The following RPL24 variants were observed in gnomAD, a reference collection of about 807,000 sequenced individuals.
RPL24 encodes ribosomal protein L24, also known as large ribosomal subunit protein eL24.
Under a neutral mutation model 26.4 loss-of-function variants are expected in RPL24, and 7 were observed. That is an observed-to-expected ratio of 0.27 (90% confidence interval 0.15 to 0.50). The LOEUF is 0.50. Ranked by LOEUF, RPL24 falls within the 20% of genes least tolerant of loss-of-function variation. The pLI, the probability that RPL24 is intolerant of heterozygous loss-of-function variation, is 0.98. For synonymous variants in RPL24, 67 were observed against 65.2 expected (o/e 1.03, Z -0.13); for missense variants, 109 against 194.9 (o/e 0.56, Z 2.62).
chr3:101,682,337 C>T, intron 5 of RPL24, 92 bp downstream of exon 5: 3 of 1,007,190 alleles, frequency 3.0e-6, no homozygotes, highest in Non-Finnish European at 4.8e-6. Flanking sequence ...CGCCACTGCA[C>T]CCCATCCTGG....
rs377256144 is a variant in RPL24 at position 101,685,920 on chromosome 3, C to A, written c.90G>T (p.Gln30His). 2 of 1,608,888 alleles carry A rather than the reference C, an allele frequency of 1.2e-6. No individual in the cohort carries two copies. Among genetic ancestry groups the A allele is most frequent in the Non-Finnish European group, 1.7e-6 (2 of 1,175,384 alleles). Residue 30 changes from glutamine to histidine, a missense_variant, in exon 3 of 6, where the codon CAG (glutamine) becomes CAT (histidine). Transcript: ENST00000394077. Reference sequence around the variant, plus strand: ...CCGACTCGCATTTCGCATTAAGAAACTGGAAAACCTAGAGTGACAAATGCA... The same window carrying A: ...CCGACTCGCATTTCGCATTAAGAAAATGGAAAACCTAGAGTGACAAATGCA... ...RYARTDGKVF[Q>H]FLNAKCESAF...
chr3:101,683,349 A>G (rs891895322), intron 3 of RPL24, among the ~76,000 whole-genome samples: 2 of 152,238 alleles, frequency 1.3e-5, no homozygotes, highest in African/African-American at 2.4e-5. Flanking sequence ...GGAATCTAAC[A>G]CTTTCTGTAG....
intron 2 of RPL24, 167 bp downstream of exon 2, chr3:101,686,315 A>G (rs1169171059): frequency 6.5e-6 from 4 of 614,766 alleles, no homozygotes; most frequent in Admixed American, 3.0e-5. Flanking sequence ...AATAATCAAC[A>G]CTGGTTCACT....
intron 3 of RPL24, among the ~76,000 whole-genome samples, chr3:101,684,776 CAAAAAAAAAAA>C (rs57278210): frequency 0.4 from 21,059 of 53,310 alleles, 4,094 homozygotes; most frequent in Middle Eastern, 0.5. Context: ...CCTGTCTCCC[CAAAAAAAAAAA>C]AAAAAAAAAA....
Position 101,686,717 on chromosome 3 carries a change from AG to A in RPL24, c.-42del. The A allele has an allele frequency of 1.2e-6, 2 of 1,613,242 alleles. No individual in the cohort carries two copies. The highest frequency in any genetic ancestry group is 1.7e-5 in the Admixed American group (1 of 60,022). ...GAAAGACAAAAGATGGCGAAAAGAA[AG>A]AGAGAATCATGGGAAGAGACCTTAT... On this transcript the variant is annotated 5_prime_UTR_variant, in exon 1 of 6. Transcript: ENST00000394077.
rs764442723 is a variant in RPL24, at chr3:101,686,697, A to T, written c.-21T>A. ...TTCATGGCGACAGCTCCACGGAAAG[A>T]CAAAAGATGGCGAAAAGAAAGAGAG... is the stretch of plus-strand genomic sequence containing the variant. On this transcript the variant is annotated 5_prime_UTR_variant, in exon 1 of 6. Coordinates refer to ENST00000394077, the MANE Select transcript of RPL24 (RefSeq NM_000986.4). The T allele has an allele frequency of 2.5e-6, 4 of 1,614,222 alleles. No homozygotes were observed. The highest frequency in any genetic ancestry group is 4.5e-5 in the East Asian group (2 of 44,882).
At chr3:101,683,266 GAAAT>G (rs1334391256) in intron 3 of RPL24, among the ~76,000 whole-genome samples, 1 of 152,160 alleles carries the variant, frequency 6.6e-6, no homozygotes, top group Non-Finnish European at 1.5e-5. Flanking sequence ...GTCACTAGGA[GAAAT>G]AAATTAAGAC....
chr3:101,682,681 ATTAATC>A lies in RPL24; in HGVS notation c.329+84_329+89del, dbSNP rs1937278706. The A allele has an allele frequency of 2.2e-5, 30 of 1,341,140 alleles. 1 individual carries two copies. The South Asian group carries it at 3.8e-4, about 17-fold the overall frequency. 83.1% of individuals were successfully genotyped at this position (1,341,140 alleles called of 1,614,324 possible). A position where few individuals can be genotyped will look rare whatever the true frequency, so the allele number is the denominator to read the frequency against. ...TAACCACCAAATCAGCTTAACATAT[ATTAATC>A]TATATGGTAACTTTAATTACTGAAG... is the stretch of plus-strand genomic sequence containing the variant. On this transcript the variant is annotated intron_variant, in intron 4 of 5. Coordinates refer to ENST00000394077, the MANE Select transcript of RPL24 (RefSeq NM_000986.4).
At chr3:101,685,676 C>T in intron 3 of RPL24, 142 bp downstream of exon 3, 1 of 504,366 alleles carries the variant, frequency 2.0e-6, no homozygotes, top group Non-Finnish European at 3.6e-6. Context: ...TTTATAATAT[C>T]TTTTTCATTT....
intron 5 of RPL24, chr3:101,682,132 A>G (rs1576657890): frequency 3.4e-6 from 1 of 295,684 alleles, no homozygotes; most frequent in East Asian, 7.5e-5. Flanking sequence ...TGGGCAGATC[A>G]CCTGAGGTCA....
chr3:101,681,260 C>T, intron 5 of RPL24, 45 bp from the exon 6 acceptor site: 3 of 1,274,664 alleles, frequency 2.4e-6, no homozygotes, highest in Non-Finnish European at 3.4e-6. Flanking sequence ...CTTTTGTTAC[C>T]CTATTATTAC....
At chr3:101,685,082 G>GA (rs1393886634) in intron 3 of RPL24, among the ~76,000 whole-genome samples, 1 of 151,630 alleles carries the variant, frequency 6.6e-6, no homozygotes, top group African/African-American at 2.4e-5. Context: ...ACCCTTTTGA[G>GA]AAAACACCAA....
chr3:101,682,801 A>T lies in RPL24; in HGVS notation c.299T>A (p.Val100Asp). ...IMAKRNQKPEVRKAQREQAIR... is the reference protein window; with the variant it reads ...IMAKRNQKPEDRKAQREQAIR... Reference sequence around the variant, plus strand: ...AGCTTGTTCTCGTTGAGCCTTTCTAACTTCAGGTTTCTGATTCCTCTTGGC... The same window carrying T: ...AGCTTGTTCTCGTTGAGCCTTTCTATCTTCAGGTTTCTGATTCCTCTTGGC... Residue 100 changes from valine (V) to aspartate (D), a missense_variant, in exon 4 of 6, where the codon GTT becomes GAT. Physicochemically the swap from Val to Asp is radical, Grantham distance 152 (BLOSUM62 -3). This residue lies in a region of RPL24 where 39 missense variants were observed against 80.3 expected (regional missense o/e 0.49). Transcript: ENST00000394077. 6.2e-7 allele frequency: 1 copy of T among 1,613,312 alleles called. No homozygotes were observed. The highest frequency in any genetic ancestry group is 8.5e-7 in the Non-Finnish European group (1 of 1,179,808).
At chr3:101,681,392 G>T in intron 5 of RPL24, 177 bp from the exon 6 acceptor site, 1 of 595,886 alleles carries the variant, frequency 1.7e-6, no homozygotes, top group Non-Finnish European at 3.1e-6. Flanking sequence ...TCTTTACAAT[G>T]AAAGACAAAG....
intron 3 of RPL24, 89 bp from the exon 4 acceptor site, chr3:101,682,996 TG>T (rs1937282016): frequency 8.5e-7 from 1 of 1,174,476 alleles, no homozygotes; most frequent in South Asian, 1.6e-5. Context: ...ACAGGGCAAA[TG>T]AAGTATTTTA....
At chr3:101,686,579 C>T (rs1336569650) in intron 1 of RPL24, 22 bp from the exon 2 acceptor site, 4 of 1,614,062 alleles carry the variant, frequency 2.5e-6, no homozygotes, top group Non-Finnish European at 3.4e-6. Context: ...AGTGAAAGTC[C>T]ATCAGGGAGG....
chr3:101,682,755 T>A lies in RPL24; in HGVS notation c.329+16A>T. 1 of 1,610,464 alleles carries A rather than the reference T, an allele frequency of 6.2e-7. No homozygotes were observed. Among genetic ancestry groups the A allele is most frequent in the Non-Finnish European group, 8.5e-7 (1 of 1,178,750 alleles). The stretch of plus-strand genomic sequence containing the variant: ...ATCCGAATAGGTAAAATGCTCATAA[T>A]GAAAGCATTCCTCACCTGATAGCTT... On this transcript the variant is annotated intron_variant, in intron 4 of 5. Transcript: ENST00000394077.
In RPL24 at chr3:101,682,447, A is replaced by C. The variant is rs1257879246; in HGVS notation, c.375T>G (p.Thr125=). ...AKKAKQASKK[T]AMAAAKAPTK... is the part of the protein sequence containing the mutation. ...TAATTACCTTAGCAGCAGCCATTGC[A>C]GTCTTTTTAGATGCTTGCTTAGCCT... The change falls in exon 5 of 6, where the codon ACT becomes ACG. Residue 125 remains threonine (T), a synonymous_variant. Transcript: ENST00000394077. 1 of 1,613,626 alleles carries C rather than the reference A, an allele frequency of 6.2e-7. No homozygotes were observed. Among genetic ancestry groups the C allele is most frequent in the Admixed American group, 1.7e-5 (1 of 59,998 alleles).
Position 101,686,536 on chromosome 3 carries a change from G to C in RPL24, c.27C>G (p.Ser9Arg), listed in dbSNP as rs1322331130. 6.2e-7 allele frequency: 1 copy of C among 1,613,982 alleles called. No individual in the cohort carries two copies. The highest frequency in any genetic ancestry group is 8.5e-7 in the Non-Finnish European group (1 of 1,180,010). ...CGTGTCCGGGGTAGATCTTGTACCC[G>C]CTAAAACTGCACAGCTCGACCCTGC... MKVELCSF[S>R]GYKIYPGHGR... The change falls in exon 2 of 6, where the codon AGC (serine) becomes AGG (arginine). Residue 9 changes from serine to arginine, a missense_variant. Ser to Arg is a moderately radical substitution (Grantham distance 110). Transcript: ENST00000394077.
Sources: gnomAD v4.1 joint callset for allele counts (sites outside exome capture counted in the v4.1 genomes callset) on GRCh38, gnomAD v4.1.1 for gene constraint, gnomAD v4.1.1 regional missense constraint, MANE v1.5 for transcripts, NCBI Gene and HGNC (gene_info 2026-07-23, HGNC 2026-07-21) for gene names.